The following TENM2 variants were observed in gnomAD, a reference collection of about 807,000 sequenced individuals.
The protein encoded by TENM2 is teneurin-2.
In TENM2, 52 loss-of-function variants were observed where a neutral mutation model predicts 245.2. The observed-to-expected ratio is 0.21, with a 90% CI of 0.17 to 0.27. TENM2 has a LOEUF of 0.27. Among genes scored for constraint, TENM2 ranks in the 10% least tolerant of loss-of-function variants. TENM2 has a pLI of 1.00. For synonymous variants in TENM2, 1,363 were observed against 1,438.9 expected (o/e 0.95, Z 1.19); for missense variants, 3,046 against 3,666.8 (o/e 0.83, Z 4.37).
intron 5 of TENM2, among the ~76,000 whole-genome samples, chr5:168,044,243 G>A (rs1006597449): frequency 2.6e-5 from 4 of 152,116 alleles, no homozygotes; most frequent in African/African-American, 9.7e-5. Flanking sequence ...GTGAAACCCC[G>A]TCTCTACTAA....
intron 3 of TENM2, among the ~76,000 whole-genome samples, chr5:167,936,492 G>A (rs938848167): frequency 6.6e-6 from 1 of 152,134 alleles, no homozygotes; most frequent in African/African-American, 2.4e-5. Flanking sequence ...GATTTACCAA[G>A]TTTTCAGGCT....
intron 2 of TENM2, among the ~76,000 whole-genome samples, chr5:167,376,376 A>G (rs1760752031): frequency 6.6e-6 from 1 of 152,250 alleles, no homozygotes; most frequent in Admixed American, 6.5e-5. Flanking sequence ...TAAAATGTTT[A>G]CAAATAGATC....
chr5:167,336,449 T>G (rs200857682), intron 1 of TENM2, among the ~76,000 whole-genome samples: 101 of 151,918 alleles, frequency 6.6e-4, no homozygotes, highest in African/African-American at 2.4e-3. Context: ...TGGGGATGGA[T>G]ACTGAAGAGG....
At chr5:167,337,678 C>A (rs960468698) in intron 1 of TENM2, among the ~76,000 whole-genome samples, 3 of 152,054 alleles carry the variant, frequency 2.0e-5, no homozygotes, top group Admixed American at 1.3e-4. Context: ...AGATGAAACC[C>A]ATTGTGTGAA....
the TENM2 span, among the ~76,000 whole-genome samples, chr5:167,109,707 A>C: frequency 1.3e-5 from 2 of 151,672 alleles, no homozygotes; most frequent in African/African-American, 4.8e-5. Context: ...AATACAACTC[A>C]CTTCTCACGT....
intron 4 of TENM2, among the ~76,000 whole-genome samples, chr5:167,955,972 ATTAAATTT>A (rs1780522825): frequency 6.6e-6 from 1 of 152,126 alleles, no homozygotes; most frequent in Non-Finnish European, 1.5e-5. Flanking sequence ...TTGGTTCCAT[ATTAAATTT>A]TAAGTAGTTT....
At chr5:167,375,399 G>A in exon 2 of TENM2, 1 of 1,551,694 alleles carries the variant, frequency 6.4e-7, no homozygotes, top group South Asian at 1.2e-5. Context: ...CGCAGTTCCG[G>A]CCTGTCCAGT....
At chr5:168,106,875 A>G (rs1301165338) in intron 9 of TENM2, among the ~76,000 whole-genome samples, 1 of 152,214 alleles carries the variant, frequency 6.6e-6, no homozygotes, top group Non-Finnish European at 1.5e-5. Flanking sequence ...AGCCTGGGCA[A>G]CGTGGTGCAA....
chr5:167,762,532 G>A lies in TENM2; in HGVS notation c.503-113454G>A, dbSNP rs35198196. The stretch of plus-strand genomic sequence containing the variant: ...TTAAGCAGGTGCTCCAGTCTGCAGT[G>A]CTCTGGTTGTCAGTTGGCAATGGTG... On this transcript the variant is annotated intron_variant, in intron 2 of 28. Transcript: ENST00000518659. Among the ~76,000 whole-genome samples, 670 of 152,242 alleles carry A rather than the reference G, an allele frequency of 4.4e-3. 3 individuals are homozygous for A. The highest frequency in any genetic ancestry group is 8.1e-3 in the Non-Finnish European group (548 of 68,014).
intron 3 of TENM2, among the ~76,000 whole-genome samples, chr5:167,897,855 C>G (rs1202329922): frequency 6.6e-6 from 1 of 150,570 alleles, no homozygotes; most frequent in African/African-American, 2.4e-5. Context: ...AGTTTATGAG[C>G]CTGGGAATTT....
At chr5:167,140,926 C>T in the TENM2 span, among the ~76,000 whole-genome samples, 5 of 152,168 alleles carry the variant, frequency 3.3e-5, no homozygotes, top group Admixed American at 3.3e-4. Context: ...CCAGGTGACT[C>T]ATAGAGGGTC....
At chr5:167,688,988 C>G (rs79727173) in intron 2 of TENM2, among the ~76,000 whole-genome samples, 5 of 152,086 alleles carry the variant, frequency 3.3e-5, no homozygotes, top group Non-Finnish European at 7.3e-5. Flanking sequence ...CATCGGAGTG[C>G]CTGGCTGGCT....
At chr5:168,039,431 A>G (rs1787988807) in intron 5 of TENM2, among the ~76,000 whole-genome samples, 1 of 152,184 alleles carries the variant, frequency 6.6e-6, no homozygotes, top group East Asian at 1.9e-4. Flanking sequence ...TTATCAGAAA[A>G]GCTCTTAAAA....
chr5:167,692,633 G>T (rs1192901392), intron 2 of TENM2, among the ~76,000 whole-genome samples: 1 of 152,166 alleles, frequency 6.6e-6, no homozygotes, highest in Admixed American at 6.5e-5. Flanking sequence ...GCCACTTCCA[G>T]TTTGTGTATG....
At chr5:167,593,705 CT>C (rs1776024798) in intron 2 of TENM2, among the ~76,000 whole-genome samples, 1 of 152,198 alleles carries the variant, frequency 6.6e-6, no homozygotes, top group African/African-American at 2.4e-5. Context: ...ATACTCCATT[CT>C]TTGGGTCTGT....
At chr5:168,040,030 T>C (rs1056663540) in intron 5 of TENM2, among the ~76,000 whole-genome samples, 1 of 152,186 alleles carries the variant, frequency 6.6e-6, no homozygotes, top group Non-Finnish European at 1.5e-5. Flanking sequence ...GAGCCTGTCA[T>C]GAGAATAGAT....
chr5:167,135,968 T>C, the TENM2 span, among the ~76,000 whole-genome samples: 1 of 152,210 alleles, frequency 6.6e-6, no homozygotes, highest in South Asian at 2.1e-4. Flanking sequence ...TCACCGTTTT[T>C]AATGGGACAC....
intron 1 of TENM2, among the ~76,000 whole-genome samples, chr5:167,349,682 G>A (rs866777266): frequency 6.6e-6 from 1 of 152,082 alleles, no homozygotes; most frequent in Non-Finnish European, 1.5e-5. Flanking sequence ...ATATGTGTGT[G>A]TATATGTAAA....
chr5:167,865,066 T>C (rs1015908064), intron 2 of TENM2, among the ~76,000 whole-genome samples: 2 of 152,150 alleles, frequency 1.3e-5, no homozygotes, highest in Admixed American at 6.5e-5. Flanking sequence ...TCTTACAAAA[T>C]AGATTCTAGG....
Sources: gnomAD v4.1 joint callset for allele counts (sites outside exome capture counted in the v4.1 genomes callset) on GRCh38, gnomAD v4.1.1 for gene constraint, MANE v1.5 for transcripts, NCBI Gene and HGNC (gene_info 2026-07-23, HGNC 2026-07-21) for gene names.